M1AP: variants seen among roughly 807,000 people sequenced by gnomAD.
M1AP encodes meiosis 1 arrest protein.
M1AP carries 39 observed loss-of-function variants against 51.2 expected under a neutral mutation model. The ratio of observed to expected loss-of-function variants is 0.76; its 90% CI spans 0.59 to 1.00. M1AP has a LOEUF of 1.00. Ranked by LOEUF, M1AP falls within the 50% of genes least tolerant of loss-of-function variation. The probability of loss-of-function intolerance (pLI) is 0.00; values close to 1 mark genes in which losing one functional copy is unlikely to be tolerated. For missense variants in M1AP, 545 were observed against 641.2 expected (o/e 0.85, Z 1.62); for synonymous variants, 251 against 249.2 (o/e 1.01, Z -0.07).
chr2:74,609,219 CT>C (rs530267396), intron 3 of M1AP, among the ~76,000 whole-genome samples: 30 of 152,102 alleles, frequency 2.0e-4, no homozygotes, highest in South Asian at 1.9e-3. Context: ...CCCTTCCCCC[CT>C]ATCCTCAGCC....
At chr2:74,583,174 G>C (rs1342313159) in intron 4 of M1AP, among the ~76,000 whole-genome samples, 2 of 151,896 alleles carry the variant, frequency 1.3e-5, no homozygotes, top group South Asian at 4.1e-4. Context: ...GAACAAAGGG[G>C]ACTTCAGCTT....
chr2:74,569,909 CGT>C lies in M1AP; in HGVS notation c.1074+5527_1074+5528del, dbSNP rs145070644. Among the ~76,000 whole-genome samples the C allele has an allele frequency of 6.1e-3, 867 of 142,940 alleles. 4 individuals are homozygous for C. Among genetic ancestry groups the C allele is most frequent in the South Asian group, 0.02 (91 of 4,496 alleles). The allele number at this position is 142,940 out of a possible 152,430, so 93.8% of individuals were successfully genotyped here. A position where few individuals can be genotyped will look rare whatever the true frequency, so the allele number is the denominator to read the frequency against. On this transcript the variant is annotated intron_variant, in intron 7 of 10. Coordinates refer to ENST00000421985, the MANE Select transcript of M1AP (RefSeq NM_001321739.2). ...GTGTGTGTATGTGTGTGTGTGCATG[CGT>C]GTGTGTGTGTGTGTGTGTGTGTGAA...
rs191064154 is a variant in M1AP, at chr2:74,562,799, G to A, written c.1075-376C>T. Among the ~76,000 whole-genome samples the A allele has an allele frequency of 3.9e-5, 6 of 152,160 alleles. No individual in the cohort carries two copies. In the East Asian group the frequency reaches 9.7e-4, roughly 24 times the overall value. On this transcript the variant is annotated intron_variant, in intron 7 of 10. Coordinates refer to ENST00000421985, the MANE Select transcript of M1AP (RefSeq NM_001321739.2). ...AAGCCCATGGTGCGTGACTGTACCC[G>A]TAGCTACTCAGGAGGGTGAGGTGGG...
At chr2:74,625,109 T>C (rs759290993) in intron 2 of M1AP, among the ~76,000 whole-genome samples, 14 of 152,160 alleles carry the variant, frequency 9.2e-5, no homozygotes, top group Non-Finnish European at 1.9e-4. Flanking sequence ...CACAGAAAAT[T>C]TTTGCCAATC....
intron 4 of M1AP, among the ~76,000 whole-genome samples, chr2:74,587,267 C>T (rs185242290): frequency 5.3e-5 from 8 of 151,464 alleles, no homozygotes; most frequent in African/African-American, 7.3e-5. Flanking sequence ...GGCGCGATCT[C>T]GGCTCACTGC....
intron 2 of M1AP, among the ~76,000 whole-genome samples, chr2:74,631,817 C>G (rs973624558): frequency 1.3e-5 from 2 of 152,024 alleles, no homozygotes; most frequent in African/African-American, 2.4e-5. Context: ...CCTTATAAAA[C>G]ATTCAGAATT....
intron 5 of M1AP, among the ~76,000 whole-genome samples, chr2:74,579,480 T>G (rs1414546661): frequency 6.6e-6 from 1 of 152,224 alleles, no homozygotes; most frequent in Non-Finnish European, 1.5e-5. Flanking sequence ...GAGTGGGCCC[T>G]GTTGCCTGGC....
At chr2:74,621,795 A>AAAAC (rs1189242183) in intron 2 of M1AP, among the ~76,000 whole-genome samples, 4 of 151,248 alleles carry the variant, frequency 2.6e-5, no homozygotes, top group Non-Finnish European at 5.9e-5. Context: ...TCCGTCTCAA[A>AAAAC]AAACAAACAA....
At chr2:74,564,457 G>A (rs1053726339) in intron 7 of M1AP, among the ~76,000 whole-genome samples, 1 of 152,142 alleles carries the variant, frequency 6.6e-6, no homozygotes, top group Non-Finnish European at 1.5e-5. Context: ...GAAGGTTTTG[G>A]GGGTGGGACA....
intron 5 of M1AP, 143 bp downstream of exon 5, chr2:74,581,531 C>T (rs1034686393): frequency 3.7e-5 from 27 of 739,582 alleles, no homozygotes; most frequent in South Asian, 8.7e-5. Flanking sequence ...TTATTCCTCA[C>T]GCTTATATTG....
intron 7 of M1AP, among the ~76,000 whole-genome samples, chr2:74,568,845 T>C (rs755417817): frequency 1.2e-4 from 18 of 152,216 alleles, no homozygotes; most frequent in Non-Finnish European, 2.4e-4. Flanking sequence ...TTAGCAGGAC[T>C]GCAGCCCAGC....
intron 2 of M1AP, among the ~76,000 whole-genome samples, chr2:74,629,361 T>C (rs1375137113): frequency 1.3e-5 from 2 of 152,216 alleles, no homozygotes; most frequent in African/African-American, 2.4e-5. Flanking sequence ...CCAAAACTTT[T>C]TGAGGGCCAA....
At chr2:74,619,812 G>A (rs890569498) in intron 2 of M1AP, among the ~76,000 whole-genome samples, 3 of 152,244 alleles carry the variant, frequency 2.0e-5, no homozygotes, top group African/African-American at 7.2e-5. Flanking sequence ...CGAGACCAAT[G>A]CCTTGTACTG....
intron 1 of M1AP, among the ~76,000 whole-genome samples, chr2:74,642,543 G>A (rs1683355115): frequency 6.6e-6 from 1 of 152,190 alleles, no homozygotes; most frequent in South Asian, 2.1e-4. Flanking sequence ...TATGTTGAAA[G>A]CTTTCCATGT....
chr2:74,594,920 G>A (rs1285300698), intron 4 of M1AP, among the ~76,000 whole-genome samples: 1 of 152,034 alleles, frequency 6.6e-6, no homozygotes, highest in African/African-American at 2.4e-5. Context: ...ACGAGGTTCA[G>A]GGAATCCCAA....
chr2:74,564,462 G>A (rs972787865), intron 7 of M1AP, among the ~76,000 whole-genome samples: 4 of 152,106 alleles, frequency 2.6e-5, no homozygotes, highest in Non-Finnish European at 5.9e-5. Context: ...TTTTGGGGGT[G>A]GGACAGATGA....
At chr2:74,610,431 C>T (rs1006934498) in intron 3 of M1AP, among the ~76,000 whole-genome samples, 1 of 151,928 alleles carries the variant, frequency 6.6e-6, no homozygotes, top group African/African-American at 2.4e-5. Context: ...AAATCCTTGC[C>T]CAGACCAATG....
chr2:74,577,935 T>C (rs1679171431), intron 5 of M1AP, among the ~76,000 whole-genome samples: 3 of 152,150 alleles, frequency 2.0e-5, no homozygotes, highest in Admixed American at 1.3e-4. Context: ...AATTTTTCCA[T>C]GGGGTGGTGG....
chr2:74,571,530 A>G (rs997866105), intron 7 of M1AP, among the ~76,000 whole-genome samples: 2 of 152,246 alleles, frequency 1.3e-5, no homozygotes, highest in African/African-American at 4.8e-5. Context: ...ACTTGTAAAA[A>G]TAGGCTTAGG....
Sources: gnomAD v4.1 joint callset for allele counts (sites outside exome capture counted in the v4.1 genomes callset) on GRCh38, gnomAD v4.1.1 for gene constraint, MANE v1.5 for transcripts, NCBI Gene and HGNC (gene_info 2026-07-23, HGNC 2026-07-21) for gene names.